The following SGCZ variants were observed in gnomAD, a reference collection of about 807,000 sequenced individuals.
SGCZ encodes sarcoglycan zeta.
Under a neutral mutation model 41.3 loss-of-function variants are expected in SGCZ, and 40 were observed. The observed-to-expected ratio is 0.97, with a 90% CI of 0.75 to 1.26. The LOEUF (loss-of-function observed/expected upper bound fraction) is 1.26, where lower values mean the gene tolerates loss of function less well. Ranked by LOEUF, SGCZ falls within the 50% of genes most tolerant of loss-of-function variation. SGCZ has a pLI of 0.00. For missense variants in SGCZ, 552 were observed against 369.8 expected (o/e 1.49, Z -4.04); for synonymous variants, 206 against 137.5 (o/e 1.50, Z -3.49).
intron 2 of SGCZ, among the ~76,000 whole-genome samples, chr8:14,399,656 T>C (rs190094070): frequency 6.6e-6 from 1 of 152,254 alleles, no homozygotes; most frequent in Non-Finnish European, 1.5e-5. Context: ...TAATGAATAT[T>C]TGAAAAGAAG....
chr8:14,768,824 G>C (rs1800130881), intron 1 of SGCZ, among the ~76,000 whole-genome samples: 1 of 151,868 alleles, frequency 6.6e-6, no homozygotes, highest in Admixed American at 6.6e-5. Context: ...TTTAACCACT[G>C]TTCATGGTAC....
chr8:14,513,246 C>A (rs2117080381), intron 2 of SGCZ, among the ~76,000 whole-genome samples: 1 of 152,174 alleles, frequency 6.6e-6, no homozygotes, highest in South Asian at 2.1e-4. Flanking sequence ...CTATGTTGCC[C>A]AGGCTGGTCT....
intron 1 of SGCZ, among the ~76,000 whole-genome samples, chr8:15,189,327 G>T (rs1585655480): frequency 1.3e-5 from 2 of 152,230 alleles, no homozygotes; most frequent in South Asian, 4.1e-4. Flanking sequence ...TATGTTTATT[G>T]TACAAAAGCA....
intron 2 of SGCZ, among the ~76,000 whole-genome samples, chr8:14,405,052 T>C (rs28515110): frequency 0.017 from 2,649 of 152,286 alleles, 85 homozygotes; most frequent in African/African-American, 0.059. Flanking sequence ...TCTTCCTCCA[T>C]GTGGCCCTTG....
At chr8:14,736,355 C>T (rs778897024) in intron 1 of SGCZ, among the ~76,000 whole-genome samples, 2 of 152,096 alleles carry the variant, frequency 1.3e-5, no homozygotes, top group Non-Finnish European at 2.9e-5. Context: ...AAATAATCTG[C>T]AACATTTTTT....
intron 2 of SGCZ, among the ~76,000 whole-genome samples, chr8:14,423,937 T>A (rs1043290597): frequency 6.6e-6 from 1 of 152,142 alleles, no homozygotes; most frequent in Non-Finnish European, 1.5e-5. Context: ...CATGAATCAT[T>A]AAAGTATAAT....
chr8:14,316,354 A>G (rs1585354291), intron 3 of SGCZ, among the ~76,000 whole-genome samples: 2 of 152,174 alleles, frequency 1.3e-5, no homozygotes, highest in South Asian at 2.1e-4. Flanking sequence ...TCTCAATAAT[A>G]AAAGAATACA....
At chr8:14,920,091 A>G (rs1354551487) in intron 1 of SGCZ, among the ~76,000 whole-genome samples, 4 of 152,188 alleles carry the variant, frequency 2.6e-5, no homozygotes, top group Non-Finnish European at 4.4e-5. Context: ...ACTAACTGCC[A>G]TTTATCTGGG....
chr8:14,092,060 T>A (rs1362851755), intron 7 of SGCZ, among the ~76,000 whole-genome samples: 1 of 152,094 alleles, frequency 6.6e-6, no homozygotes, highest in South Asian at 2.1e-4. Context: ...CCCAACACCA[T>A]TTATTAAATA....
intron 5 of SGCZ, among the ~76,000 whole-genome samples, chr8:14,117,498 A>G (rs1331184484): frequency 4.1e-5 from 6 of 147,800 alleles, no homozygotes; most frequent in East Asian, 2.0e-4. Context: ...GTGTGTGTGT[A>G]TGTGTACTGA....
chr8:14,583,360 T>C (rs1248754987), intron 1 of SGCZ, among the ~76,000 whole-genome samples: 1 of 152,140 alleles, frequency 6.6e-6, no homozygotes, highest in Non-Finnish European at 1.5e-5. Context: ...GGGGTTATAT[T>C]TTTCTTGTAA....
intron 1 of SGCZ, among the ~76,000 whole-genome samples, chr8:14,667,215 C>G (rs1807938649): frequency 6.6e-6 from 1 of 152,144 alleles, no homozygotes. Flanking sequence ...GAGAGGGCAT[C>G]AATTCCTAAA....
intron 2 of SGCZ, among the ~76,000 whole-genome samples, chr8:14,425,899 G>T (rs530498771): frequency 9.9e-5 from 15 of 152,132 alleles, no homozygotes; most frequent in South Asian, 6.2e-4. Flanking sequence ...ATTAAAGAAG[G>T]TTCAGGGAAG....
chr8:14,645,382 G>T (rs1807173631), intron 1 of SGCZ, among the ~76,000 whole-genome samples: 1 of 149,190 alleles, frequency 6.7e-6, no homozygotes, highest in African/African-American at 2.4e-5. Flanking sequence ...TGTAACACAT[G>T]CTGGCGTCCT....
Position 14,172,164 on chromosome 8 carries a change from A to G in SGCZ, c.425-7462T>C, listed in dbSNP as rs77191405. 8.1e-3 allele frequency among the ~76,000 whole-genome samples: 1,236 copies of G among 152,260 alleles called. 11 individuals carry two copies. The highest frequency in any genetic ancestry group is 0.012 in the Non-Finnish European group (836 of 68,002). On this transcript the variant is annotated intron_variant, in intron 4 of 7. Coordinates refer to ENST00000382080, the MANE Select transcript of SGCZ (RefSeq NM_139167.4). ...ATGACCTAGTGTTTTATGCAAGAGA[A>G]TAATCTTCCAAATTCCACACAACAA...
rs974781831 is a variant in SGCZ at position 14,588,804 on chromosome 8, T to A, written c.40-33878A>T. The stretch of plus-strand genomic sequence containing the variant: ...TTTTTTAATAACATGAAAATGTAAA[T>A]TATTTTTAGAATGTTATCAATTAAA... On this transcript the variant is annotated intron_variant, in intron 1 of 7. Transcript: ENST00000382080. Among the ~76,000 whole-genome samples, 12 of 152,214 alleles carry A rather than the reference T, an allele frequency of 7.9e-5. No individual in the cohort carries two copies. In the East Asian group the frequency reaches 2.3e-3, roughly 29 times the overall value.
intron 1 of SGCZ, among the ~76,000 whole-genome samples, chr8:14,583,789 A>T (rs2117266221): frequency 6.6e-6 from 1 of 152,008 alleles, no homozygotes; most frequent in African/African-American, 2.4e-5. Flanking sequence ...CATCTATATG[A>T]TATTCAATTT....
At chr8:14,725,918 T>C (rs925727566) in intron 1 of SGCZ, among the ~76,000 whole-genome samples, 1 of 152,160 alleles carries the variant, frequency 6.6e-6, no homozygotes, top group Admixed American at 6.5e-5. Context: ...AGCAAAAATA[T>C]ATAGAAATAT....
rs202150676 is a variant in SGCZ at position 14,387,388 on chromosome 8, AT to A, written c.235-63185del. Among the ~76,000 whole-genome samples the A allele has an allele frequency of 3.8e-4, 58 of 152,298 alleles. 1 individual carries two copies. In the East Asian group the frequency reaches 0.011, roughly 29 times the overall value. On this transcript the variant is annotated intron_variant, in intron 2 of 7. Transcript: ENST00000382080. ...TCTGAACAAAAAACTAAAATTAAAA[AT>A]ATCCACTATGTAGTATAATTTAAAT...
Sources: gnomAD v4.1 joint callset for allele counts (sites outside exome capture counted in the v4.1 genomes callset) on GRCh38, gnomAD v4.1.1 for gene constraint, MANE v1.5 for transcripts, NCBI Gene and HGNC (gene_info 2026-07-23, HGNC 2026-07-21) for gene names.